The following DLGAP1 variants were observed in gnomAD, a reference collection of about 807,000 sequenced individuals.
DLGAP1 encodes disks large-associated protein 1.
Under a neutral mutation model 90.8 loss-of-function variants are expected in DLGAP1, and 11 were observed. That is an observed-to-expected ratio of 0.12 (90% CI 0.08 to 0.20). The LOEUF (loss-of-function observed/expected upper bound fraction) is 0.20. DLGAP1 is among the 10% of genes least tolerant of loss of function. The pLI is 1.00. For missense variants in DLGAP1, 1,050 were observed against 1,333.8 expected (o/e 0.79, Z 3.31); for synonymous variants, 558 against 540.7 (o/e 1.03, Z -0.44).
intron 7 of DLGAP1, among the ~76,000 whole-genome samples, chr18:3,702,164 G>C (rs890919121): frequency 6.6e-6 from 1 of 152,134 alleles, no homozygotes; most frequent in African/African-American, 2.4e-5. Context: ...CGATTCTCCT[G>C]CCTCAGCCTC....
At chr18:4,345,510 G>A (rs2081286864) in intron 1 of DLGAP1, among the ~76,000 whole-genome samples, 2 of 152,144 alleles carry the variant, frequency 1.3e-5, no homozygotes, top group South Asian at 4.1e-4. Flanking sequence ...AAAGGAGTTA[G>A]CATCTCCATT....
chr18:3,967,746 T>C (rs931499584), intron 3 of DLGAP1, among the ~76,000 whole-genome samples: 3 of 152,238 alleles, frequency 2.0e-5, no homozygotes, highest in Non-Finnish European at 4.4e-5. Flanking sequence ...GACTCTACTT[T>C]TGGCTTCAGA....
chr18:3,717,039 C>CTTT (rs56981271), intron 7 of DLGAP1, among the ~76,000 whole-genome samples: 17 of 113,840 alleles, frequency 1.5e-4, no homozygotes, highest in African/African-American at 4.5e-4. Flanking sequence ...GTGAGTTTGC[C>CTTT]TTTTTTTTTT....
intron 7 of DLGAP1, among the ~76,000 whole-genome samples, chr18:3,586,038 T>C (rs2055862901): frequency 6.6e-6 from 1 of 152,158 alleles, no homozygotes; most frequent in Admixed American, 6.6e-5. Flanking sequence ...TCATCTTCGC[T>C]ATCGATAGGG....
At chr18:3,791,472 C>T (rs1050095938) in intron 5 of DLGAP1, among the ~76,000 whole-genome samples, 6 of 152,052 alleles carry the variant, frequency 3.9e-5, no homozygotes, top group African/African-American at 1.5e-4. Context: ...TTAGTCTGCA[C>T]TGTATGATGC....
chr18:3,817,872 T>C (rs1457204057), intron 4 of DLGAP1, among the ~76,000 whole-genome samples: 1 of 152,106 alleles, frequency 6.6e-6, no homozygotes, highest in African/African-American at 2.4e-5. Context: ...AAAGATAACC[T>C]TGCAGCTGTC....
chr18:3,795,369 G>A (rs948293061), intron 5 of DLGAP1, among the ~76,000 whole-genome samples: 1 of 152,118 alleles, frequency 6.6e-6, no homozygotes, highest in Non-Finnish European at 1.5e-5. Flanking sequence ...AGGCTGGAGT[G>A]CAGTGGCATG....
At chr18:4,129,447 T>G (rs2076281242) in intron 2 of DLGAP1, among the ~76,000 whole-genome samples, 1 of 152,282 alleles carries the variant, frequency 6.6e-6, no homozygotes, top group African/African-American at 2.4e-5. Context: ...CTCCTCTATC[T>G]TTCCTTCATC....
intron 7 of DLGAP1, among the ~76,000 whole-genome samples, chr18:3,695,468 C>T (rs1204034224): frequency 6.6e-6 from 1 of 152,146 alleles, no homozygotes; most frequent in Non-Finnish European, 1.5e-5. Context: ...GAATCCTTTC[C>T]CCATTGCTTG....
chr18:3,598,418 G>C (rs2056710615), intron 7 of DLGAP1: 1 of 151,008 alleles, frequency 6.6e-6, no homozygotes, highest in African/African-American at 2.4e-5. Flanking sequence ...CATAGATCCA[G>C]AGAAGAACTT....
chr18:4,009,770 A>G (rs2074380543), intron 2 of DLGAP1, among the ~76,000 whole-genome samples: 1 of 152,244 alleles, frequency 6.6e-6, no homozygotes, highest in Non-Finnish European at 1.5e-5. Context: ...CAAGCTGAAG[A>G]ATGACAGCAT....
At position 3,565,767 on chromosome 18, in the gene DLGAP1, G is replaced by A. The variant is rs761242608; in HGVS notation, c.2057+1723C>T. On this transcript the variant is annotated intron_variant, in intron 9 of 12. Coordinates refer to ENST00000315677, the MANE Select transcript of DLGAP1 (RefSeq NM_004746.4). This position sits in a 1 kb window ranked among gnomAD's most constrained non-coding sequence, Gnocchi z 4.0. ...GGAGAACCGCTTGAACCCAGGAGGC[G>A]GAGGTTGCAGTGAGCCGAAATTGCA... Among the ~76,000 whole-genome samples the A allele has an allele frequency of 3.9e-5, 6 of 151,914 alleles. No homozygotes were observed. Among genetic ancestry groups the A allele is most frequent in the South Asian group, 2.1e-4 (1 of 4,824 alleles).
chr18:3,597,469 C>A (rs929607917), intron 7 of DLGAP1: 1 of 356,312 alleles, frequency 2.8e-6, no homozygotes, highest in Admixed American at 4.2e-5. Context: ...AGTGGGGTGG[C>A]TGTGCAGAGT....
rs1191804501 is a variant in DLGAP1 at position 3,657,655 on chromosome 18, T to C, written c.1591+71480A>G. Reference sequence around the variant, plus strand: ...TCTTGCTCTGTTGCCCAGGCTGGAGTGCAGTGGCGCGATCTCGGCTCACTG... The same window carrying C: ...TCTTGCTCTGTTGCCCAGGCTGGAGCGCAGTGGCGCGATCTCGGCTCACTG... On this transcript the variant is annotated intron_variant, in intron 7 of 12. Coordinates refer to ENST00000315677, the MANE Select transcript of DLGAP1 (RefSeq NM_004746.4). Among the ~76,000 whole-genome samples, 3 of 147,980 alleles carry C rather than the reference T, an allele frequency of 2.0e-5. No individual in the cohort carries two copies. The Admixed American group carries it at 2.1e-4, about 10-fold the overall frequency.
At chr18:4,038,488 T>A (rs1237755603) in intron 2 of DLGAP1, among the ~76,000 whole-genome samples, 2 of 152,104 alleles carry the variant, frequency 1.3e-5, no homozygotes, top group African/African-American at 4.8e-5. Context: ...TAGTTCTGTG[T>A]TAATTTTTAT....
chr18:3,664,150 G>C (rs2059784517), intron 7 of DLGAP1, among the ~76,000 whole-genome samples: 1 of 148,054 alleles, frequency 6.8e-6, no homozygotes, highest in African/African-American at 2.5e-5. Flanking sequence ...GCAGATCTTG[G>C]GACTTCTCAG....
At chr18:3,852,202 T>C (rs992806788) in intron 4 of DLGAP1, among the ~76,000 whole-genome samples, 1 of 152,190 alleles carries the variant, frequency 6.6e-6, no homozygotes, top group African/African-American at 2.4e-5. Context: ...ATATCCATTG[T>C]ATCAGTGCAA....
intron 1 of DLGAP1, among the ~76,000 whole-genome samples, chr18:4,449,142 G>A (rs1307227279): frequency 6.6e-6 from 1 of 152,206 alleles, no homozygotes; most frequent in Non-Finnish European, 1.5e-5. Flanking sequence ...AATGTAAGAG[G>A]TGAGGGGTAG....
intron 10 of DLGAP1, among the ~76,000 whole-genome samples, chr18:3,513,941 T>A (rs560771547): frequency 6.6e-6 from 1 of 152,250 alleles, no homozygotes; most frequent in African/African-American, 2.4e-5. Context: ...TCCCAGTGGG[T>A]CTATGGCAAA....
Sources: gnomAD v4.1 joint callset for allele counts (sites outside exome capture counted in the v4.1 genomes callset) on GRCh38, gnomAD v4.1.1 for gene constraint, Gnocchi (gnomAD v3.1) non-coding constraint, MANE v1.5 for transcripts, NCBI Gene and HGNC (gene_info 2026-07-23, HGNC 2026-07-21) for gene names.